Variants in CTNNA3 observed in about 807,000 individuals in gnomAD.
CTNNA3 encodes catenin alpha-3.
In CTNNA3, 76 loss-of-function variants were observed where a neutral mutation model predicts 95.7. The ratio of observed to expected loss-of-function variants is 0.79; its 90% CI spans 0.66 to 0.96. CTNNA3 has a LOEUF of 0.96. Among genes scored for constraint, CTNNA3 ranks in the 40% least tolerant of loss-of-function variants. CTNNA3 has a pLI of 0.00. For synonymous variants in CTNNA3, 431 were observed against 374.4 expected (o/e 1.15, Z -1.74); for missense variants, 1,191 against 1,089.8 (o/e 1.09, Z -1.31).
chr10:66,955,670 G>A (rs1848751582), intron 7 of CTNNA3, among the ~76,000 whole-genome samples: 1 of 152,120 alleles, frequency 6.6e-6, no homozygotes, highest in Non-Finnish European at 1.5e-5. Context: ...ATTTATAAGA[G>A]CAAGACTGAG....
chr10:65,968,948 TC>T (rs1461673608), intron 16 of CTNNA3, among the ~76,000 whole-genome samples: 7 of 152,196 alleles, frequency 4.6e-5, no homozygotes, highest in African/African-American at 1.7e-4. Flanking sequence ...CCCATCTTGC[TC>T]CCAACACCTC....
intron 12 of CTNNA3, among the ~76,000 whole-genome samples, chr10:66,300,756 T>C (rs1450142780): frequency 6.6e-6 from 1 of 151,952 alleles, no homozygotes; most frequent in Non-Finnish European, 1.5e-5. Context: ...TAACCTAAGC[T>C]TCTACTTTAA....
At chr10:66,994,196 C>A (rs993207677) in intron 7 of CTNNA3, among the ~76,000 whole-genome samples, 3 of 151,946 alleles carry the variant, frequency 2.0e-5, no homozygotes, top group Non-Finnish European at 4.4e-5. Flanking sequence ...TGTAAAGGAG[C>A]AACTACCCAG....
chr10:66,242,964 C>T (rs1332871288), intron 13 of CTNNA3, among the ~76,000 whole-genome samples: 1 of 152,114 alleles, frequency 6.6e-6, no homozygotes, highest in South Asian at 2.1e-4. Context: ...AAATTCTAAG[C>T]CCCCTAACTG....
At chr10:66,351,481 C>G (rs1043385751) in intron 12 of CTNNA3, among the ~76,000 whole-genome samples, 2 of 151,912 alleles carry the variant, frequency 1.3e-5, no homozygotes, top group Admixed American at 6.6e-5. Context: ...GTGTTAGAAA[C>G]TGAATAATAT....
intron 7 of CTNNA3, among the ~76,000 whole-genome samples, chr10:66,965,053 T>C (rs1181542078): frequency 6.6e-6 from 1 of 152,190 alleles, no homozygotes; most frequent in African/African-American, 2.4e-5. Flanking sequence ...ATTTCCTTCC[T>C]AAAACTTCCT....
intron 7 of CTNNA3, among the ~76,000 whole-genome samples, chr10:66,883,601 A>G (rs1425496859): frequency 6.6e-6 from 1 of 152,134 alleles, no homozygotes; most frequent in South Asian, 2.1e-4. Flanking sequence ...CAAAATGCCC[A>G]TATTATGGTT....
chr10:66,595,009 G>C lies in CTNNA3; in HGVS notation c.1374+26683C>G, dbSNP rs182271559. 2.5e-4 allele frequency among the ~76,000 whole-genome samples: 38 copies of C among 152,186 alleles called. 2 individuals carry two copies. The East Asian group carries it at 6.6e-3, about 26-fold the overall frequency. On this transcript the variant is annotated intron_variant, in intron 10 of 17. Coordinates refer to ENST00000433211, the MANE Select transcript of CTNNA3 (RefSeq NM_013266.4). ...ATTATTATCCACAATTATCTCGTTT[G>C]AGTGATATCAGCGAGATTGTGGAAC...
intron 11 of CTNNA3, among the ~76,000 whole-genome samples, chr10:66,482,801 T>C (rs147855649): frequency 1.3e-5 from 2 of 152,284 alleles, no homozygotes; most frequent in East Asian, 3.9e-4. Context: ...GGATTTGGTA[T>C]AAAAACACAG....
chr10:66,215,226 C>T (rs535566744), intron 13 of CTNNA3, among the ~76,000 whole-genome samples: 9 of 152,234 alleles, frequency 5.9e-5, no homozygotes, highest in Admixed American at 2.0e-4. Context: ...GGAAGCAACA[C>T]GTGCATGATC....
chr10:66,197,256 T>C (rs1179964219), intron 13 of CTNNA3, among the ~76,000 whole-genome samples: 1 of 152,226 alleles, frequency 6.6e-6, no homozygotes. Context: ...GATCTGTTTA[T>C]GAGTTATACT....
intron 12 of CTNNA3, among the ~76,000 whole-genome samples, chr10:66,312,602 A>C (rs1193763657): frequency 6.6e-6 from 1 of 151,652 alleles, no homozygotes; most frequent in East Asian, 1.9e-4. Flanking sequence ...GTTGGAGTAC[A>C]ATGGCATGAT....
At position 67,514,227 on chromosome 10, in the gene CTNNA3, G is replaced by A. The variant is rs192151523; in HGVS notation, c.579+7615C>T. On this transcript the variant is annotated intron_variant, in intron 5 of 17. Coordinates refer to ENST00000433211, the MANE Select transcript of CTNNA3 (RefSeq NM_013266.4). ...AGGCAAGAGAATCACTTGAACCCAG[G>A]AGGCAGAGGTTGCACTGAGCTGAGA... Among the ~76,000 whole-genome samples the A allele has an allele frequency of 1.8e-3, 279 of 152,288 alleles. 1 individual carries two copies. Among genetic ancestry groups the A allele is most frequent in the Middle Eastern group, 0.014 (4 of 294 alleles).
At chr10:66,990,203 C>T (rs569204653) in intron 7 of CTNNA3, among the ~76,000 whole-genome samples, 141 of 152,218 alleles carry the variant, frequency 9.3e-4, no homozygotes, top group Non-Finnish European at 1.4e-3. Context: ...AGGTTCTCTT[C>T]CATGGCAAAA....
intron 13 of CTNNA3, among the ~76,000 whole-genome samples, chr10:66,105,941 A>T (rs1377760092): frequency 6.6e-6 from 1 of 152,180 alleles, no homozygotes; most frequent in African/African-American, 2.4e-5. Context: ...CACAAATAAT[A>T]GAAACAGCAA....
chr10:67,700,739 G>C (rs546105311), upstream of CTNNA3, among the ~76,000 whole-genome samples: 1 of 152,216 alleles, frequency 6.6e-6, no homozygotes, highest in Non-Finnish European at 1.5e-5. Context: ...CCAAAGGAAC[G>C]CAGCTCCTCA....
At chr10:66,525,053 T>TA (rs952882625) in intron 10 of CTNNA3, among the ~76,000 whole-genome samples, 3 of 146,604 alleles carry the variant, frequency 2.0e-5, no homozygotes, top group Admixed American at 6.8e-5. Context: ...CCATTTCAAA[T>TA]AAAAAAAAGA....
chr10:67,219,473 G>T, intron 6 of CTNNA3, 134 bp downstream of exon 6: 1 of 919,544 alleles, frequency 1.1e-6, no homozygotes, highest in South Asian at 2.3e-5. Context: ...GAAGACTCAA[G>T]AAGGTGATAG....
chr10:66,221,742 G>GACT (rs1459094879), intron 13 of CTNNA3, among the ~76,000 whole-genome samples: 7 of 152,328 alleles, frequency 4.6e-5, no homozygotes, highest in African/African-American at 1.7e-4. Context: ...TTTAGAAGCT[G>GACT]TAGTTAAAAG....
Sources: allele counts gnomAD v4.1 joint callset (sites outside exome capture counted in the v4.1 genomes callset), GRCh38; gene constraint gnomAD v4.1.1; transcripts MANE v1.5; gene names NCBI Gene and HGNC (gene_info 2026-07-23, HGNC 2026-07-21).